Variants in PDZRN3 observed in about 807,000 individuals in gnomAD.
PDZRN3 encodes the protein E3 ubiquitin-protein ligase PDZRN3.
PDZRN3 carries 38 observed loss-of-function variants against 85.7 expected under a neutral mutation model. The ratio of observed to expected loss-of-function variants is 0.44; its 90% CI spans 0.34 to 0.58. The LOEUF (loss-of-function observed/expected upper bound fraction) is 0.58, where lower values mean the gene tolerates loss of function less well. Ranked by LOEUF, PDZRN3 falls within the 20% of genes least tolerant of loss-of-function variation. The pLI is 0.01. For synonymous variants in PDZRN3, 759 were observed against 638.0 expected, an observed-to-expected ratio of 1.19 and a Z score of -2.86; for missense variants, 1,629 against 1,506.4, an observed-to-expected ratio of 1.08 and a Z score of -1.35.
Position 73,414,347 on chromosome 3 carries a change from T to C in PDZRN3, c.919-9952A>G, listed in dbSNP as rs142822398. On this transcript the variant is annotated intron_variant, in intron 3 of 9. Coordinates refer to ENST00000263666, the MANE Select transcript of PDZRN3 (RefSeq NM_015009.3). ...AAAATCAAAGCTAAAGTTGATTCACTGTAAACAGAATTTCCTGGGTCTTGT... is the reference window on the plus strand; with the variant it reads ...AAAATCAAAGCTAAAGTTGATTCACCGTAAACAGAATTTCCTGGGTCTTGT... Among the ~76,000 whole-genome samples the C allele has an allele frequency of 1.3e-3, 196 of 152,382 alleles. 1 individual carries two copies. Among genetic ancestry groups the C allele is most frequent in the East Asian group, 8.1e-3 (42 of 5,194 alleles).
intron 3 of PDZRN3, among the ~76,000 whole-genome samples, chr3:73,557,366 C>T (rs1053240669): frequency 9.2e-5 from 14 of 152,202 alleles, no homozygotes; most frequent in African/African-American, 2.9e-4. Context: ...TTAATAAAAT[C>T]TGAAATATCT....
intron 3 of PDZRN3, among the ~76,000 whole-genome samples, chr3:73,583,377 T>C (rs909250847): frequency 6.6e-5 from 10 of 152,218 alleles, no homozygotes; most frequent in Non-Finnish European, 1.2e-4. Flanking sequence ...AGCACTTCTG[T>C]GGATCATGTA....
At chr3:73,385,856 G>A (rs967760604) in intron 8 of PDZRN3, 71 bp from the exon 9 acceptor site, 2 of 906,214 alleles carry the variant, frequency 2.2e-6, no homozygotes, top group Non-Finnish European at 3.6e-6. Flanking sequence ...TTTTAAAAAT[G>A]ACATTACCTT....
intron 3 of PDZRN3, among the ~76,000 whole-genome samples, chr3:73,522,741 G>A (rs988550092): frequency 1.1e-4 from 17 of 152,270 alleles, no homozygotes; most frequent in African/African-American, 2.2e-4. Context: ...TGGCCAAAAC[G>A]AAGAGATATT....
At chr3:73,517,101 G>GGT (rs1477813111) in intron 3 of PDZRN3, among the ~76,000 whole-genome samples, 1 of 152,132 alleles carries the variant, frequency 6.6e-6, no homozygotes, top group African/African-American at 2.4e-5. Context: ...TCTGAAAGGA[G>GGT]GTGTGTGTGT....
intron 6 of PDZRN3, among the ~76,000 whole-genome samples, 188 bp downstream of exon 6, chr3:73,390,830 A>G (rs546965416): frequency 2.0e-5 from 3 of 152,274 alleles, no homozygotes; most frequent in South Asian, 2.1e-4. Flanking sequence ...TAATTTTGCC[A>G]TAAGTACTGG....
Position 73,404,286 on chromosome 3 carries a change from T to C in PDZRN3, c.1028A>G (p.Lys343Arg), listed in dbSNP as rs563346137. The C allele has an allele frequency of 3.7e-6, 6 of 1,614,022 alleles. No homozygotes were observed. The African/African-American group carries it at 5.3e-5, about 14-fold the overall frequency. ...AGACTCTGATGGAGGCGTGAACATT[T>C]TGGTCCTTGGTGTTCTTCTCAACAC... ...VQVLRRTPRTKMFTPPSESQL... is the reference protein window; with the variant it reads ...VQVLRRTPRTRMFTPPSESQL... Residue 343 changes from lysine (K) to arginine (R), a missense_variant, in exon 4 of 10, where the codon AAA becomes AGA. Physicochemically the swap from Lys to Arg is conservative, Grantham distance 26. Transcript: ENST00000263666.
intron 1 of PDZRN3, among the ~76,000 whole-genome samples, chr3:73,617,039 T>C (rs1702773675): frequency 6.6e-6 from 1 of 152,284 alleles, no homozygotes; most frequent in Non-Finnish European, 1.5e-5. Flanking sequence ...CTGATGGGAC[T>C]TCATCCCTCA....
At chr3:73,491,425 A>G (rs1407021574) in intron 3 of PDZRN3, among the ~76,000 whole-genome samples, 1 of 152,086 alleles carries the variant, frequency 6.6e-6, no homozygotes, top group Non-Finnish European at 1.5e-5. Flanking sequence ...AGCCCATTTC[A>G]AGAAGATGCA....
chr3:73,501,179 A>G (rs1488168741), intron 3 of PDZRN3, among the ~76,000 whole-genome samples: 3 of 152,212 alleles, frequency 2.0e-5, no homozygotes, highest in African/African-American at 7.2e-5. Context: ...ATCCAAACAC[A>G]TAGCCACAGC....
At chr3:73,565,279 C>T (rs1701921319) in intron 3 of PDZRN3, among the ~76,000 whole-genome samples, 1 of 152,022 alleles carries the variant, frequency 6.6e-6, no homozygotes, top group African/African-American at 2.4e-5. Flanking sequence ...CAGGTGCCTG[C>T]TACTATGTCC....
chr3:73,452,839 C>CTCTCTG (rs1553690746), intron 3 of PDZRN3, among the ~76,000 whole-genome samples: 15 of 140,618 alleles, frequency 1.1e-4, no homozygotes, highest in African/African-American at 3.2e-4. Context: ...GTCCATATAT[C>CTCTCTG]TGTGTGTGTG....
chr3:73,495,437 A>G (rs1327810789), intron 3 of PDZRN3, among the ~76,000 whole-genome samples: 1 of 152,220 alleles, frequency 6.6e-6, no homozygotes, highest in Non-Finnish European at 1.5e-5. Context: ...TGATTCATGT[A>G]TATGCATCTT....
intron 3 of PDZRN3, among the ~76,000 whole-genome samples, chr3:73,572,129 C>T (rs1575744873): frequency 2.0e-5 from 3 of 152,088 alleles, no homozygotes; most frequent in Admixed American, 2.0e-4. Context: ...ATTCAGGTGT[C>T]CAAAGTCATT....
At chr3:73,556,839 G>C (rs1364476499) in intron 3 of PDZRN3, 1 of 152,252 alleles carries the variant, frequency 6.6e-6, no homozygotes, top group Non-Finnish European at 1.5e-5. Flanking sequence ...TGGAGGCTGA[G>C]ATTCAAGTAC....
At chr3:73,410,422 T>G (rs1701942833) in intron 3 of PDZRN3, among the ~76,000 whole-genome samples, 1 of 152,178 alleles carries the variant, frequency 6.6e-6, no homozygotes, top group Non-Finnish European at 1.5e-5. Context: ...AGCTGTCAGT[T>G]TCTATGTATG....
rs1206827121 is a variant in PDZRN3, at chr3:73,459,888, TGGCA to T, written c.919-55497_919-55494del. 3.3e-5 allele frequency among the ~76,000 whole-genome samples: 5 copies of T among 152,186 alleles called. No individual in the cohort carries two copies. The East Asian group carries it at 9.6e-4, about 29-fold the overall frequency. ...TTGCCCAGGTCACCCAGCTAATACG[TGGCA>T]GGCAGGAGTCACATCCAGATGTCTG... is the stretch of plus-strand genomic sequence containing the variant. On this transcript the variant is annotated intron_variant, in intron 3 of 9. Transcript: ENST00000263666.
intron 3 of PDZRN3, among the ~76,000 whole-genome samples, chr3:73,515,924 C>T (rs1704248527): frequency 6.6e-6 from 1 of 152,212 alleles, no homozygotes; most frequent in Non-Finnish European, 1.5e-5. Flanking sequence ...AACTACTGCT[C>T]ATTTTTAATG....
At chr3:73,527,087 C>G (rs995027954) in intron 3 of PDZRN3, among the ~76,000 whole-genome samples, 1 of 152,188 alleles carries the variant, frequency 6.6e-6, no homozygotes, top group Non-Finnish European at 1.5e-5. Context: ...AGTCCACCTG[C>G]CTTGGCCTCC....
Sources: allele counts gnomAD v4.1 joint callset (sites outside exome capture counted in the v4.1 genomes callset), GRCh38; gene constraint gnomAD v4.1.1; transcripts MANE v1.5; gene names NCBI Gene and HGNC (gene_info 2026-07-23, HGNC 2026-07-21).